Variants in MYO5B observed in about 807,000 individuals in gnomAD.
MYO5B encodes the protein unconventional myosin-Vb.
Under a neutral mutation model 229.3 loss-of-function variants are expected in MYO5B, and 143 were observed. That is an observed-to-expected ratio of 0.62 (90% CI 0.54 to 0.72). The LOEUF is 0.72. Ranked by LOEUF, MYO5B falls within the 30% of genes least tolerant of loss-of-function variation. MYO5B has a pLI of 0.00. For synonymous variants in MYO5B, 918 were observed against 885.2 expected (o/e 1.04, Z -0.66); for missense variants, 2,321 against 2,331.0 (o/e 1.00, Z 0.09).
At chr18:50,041,461 G>A (rs771672813) in intron 2 of MYO5B, among the ~76,000 whole-genome samples, 5 of 152,098 alleles carry the variant, frequency 3.3e-5, no homozygotes, top group Non-Finnish European at 7.4e-5. Flanking sequence ...AAGATAGGCA[G>A]ATAAATCAAG....
At chr18:50,078,480 T>C (rs994082385) in intron 1 of MYO5B, among the ~76,000 whole-genome samples, 2 of 152,172 alleles carry the variant, frequency 1.3e-5, no homozygotes, top group African/African-American at 4.8e-5. Context: ...ATAATGAACA[T>C]GAATTTGTAA....
rs199498650 is a variant in MYO5B at position 49,880,454 on chromosome 18, C to T, written c.3047G>A (p.Arg1016Gln). 50 of 1,613,632 alleles carry T rather than the reference C, an allele frequency of 3.1e-5. 1 individual carries two copies. In the African/African-American group the frequency reaches 4.9e-4, roughly 16 times the overall value. ...HSREKDELRK[R>Q]VADLEQENAL... ...ATTTTCTTGCTCCAGGTCTGCAACT[C>T]GCTGGAAGAGAGCAATAGGGGAAAA... The change falls in exon 23 of 40, where the codon CGA becomes CAA. Residue 1016 changes from arginine (R) to glutamine (Q), a missense_variant and splice_region_variant. By Grantham distance (43) the Arg-to-Gln change is conservative. Coordinates refer to ENST00000285039, the MANE Select transcript of MYO5B (RefSeq NM_001080467.3).
Position 49,904,876 on chromosome 18 carries a change from G to C in MYO5B, c.2415-48C>G, listed in dbSNP as rs747247021. The C allele has an allele frequency of 1.9e-6, 3 of 1,600,220 alleles. No individual in the cohort carries two copies. In the South Asian group the frequency reaches 3.3e-5, roughly 18 times the overall value. On this transcript the variant is annotated intron_variant, in intron 19 of 39. Transcript: ENST00000285039. ...CAGTGTCAGGGAGAGAGTATTGACC[G>C]CCCTGATGCAGAGAACCCTGAGACA...
chr18:50,158,926 G>A (rs954166446), intron 1 of MYO5B, among the ~76,000 whole-genome samples: 1 of 152,134 alleles, frequency 6.6e-6, no homozygotes, highest in Non-Finnish European at 1.5e-5. Context: ...ATCTACGCCT[G>A]TGCTACCCTA....
At position 50,178,446 on chromosome 18, in the gene MYO5B, G is replaced by A. The variant is rs530361333; in HGVS notation, c.27+16321C>T. On this transcript the variant is annotated intron_variant, in intron 1 of 39. Transcript: ENST00000285039. ...CATTTCTTAGTATCCACAGTACTCA[G>A]CAACAGAAAACACTTGAGATGCATA... 2.2e-4 allele frequency among the ~76,000 whole-genome samples: 34 copies of A among 152,322 alleles called. 1 individual carries two copies. The South Asian group carries it at 7.0e-3, about 32-fold the overall frequency.
In MYO5B at chr18:49,837,658, G is replaced by GT. The variant is rs1359345548; in HGVS notation, c.4996dup (p.Thr1666AsnfsTer5). On this transcript the variant is annotated frameshift_variant, in exon 37 of 40. Coordinates refer to ENST00000285039, the MANE Select transcript of MYO5B (RefSeq NM_001080467.3). LOFTEE classifies it high-confidence loss of function. Reference sequence around the variant, plus strand: ...GTCCAAGCCCTGGTCACACATGACTGTATGAAAGGCATTCATCTGGCGGAT... The same window carrying GT: ...GTCCAAGCCCTGGTCACACATGACTGTTATGAAAGGCATTCATCTGGCGGAT... 1 of 1,613,930 alleles carries GT rather than the reference G, an allele frequency of 6.2e-7. No homozygotes were observed. Among genetic ancestry groups the GT allele is most frequent in the Admixed American group, 1.7e-5 (1 of 59,996 alleles).
At chr18:49,999,710 G>A (rs1342044752) in intron 5 of MYO5B, among the ~76,000 whole-genome samples, 1 of 152,136 alleles carries the variant, frequency 6.6e-6, no homozygotes, top group African/African-American at 2.4e-5. Flanking sequence ...TAGGTCAGTG[G>A]TTCTCCAAGT....
intron 2 of MYO5B, 90 bp from the exon 3 acceptor site, chr18:50,040,404 T>A: frequency 8.3e-7 from 1 of 1,208,450 alleles, no homozygotes; most frequent in Non-Finnish European, 1.2e-6. Flanking sequence ...GGAATCACCA[T>A]CTTAACATGA....
At chr18:50,072,145 T>C (rs532003292) in intron 1 of MYO5B, among the ~76,000 whole-genome samples, 1 of 152,242 alleles carries the variant, frequency 6.6e-6, no homozygotes, top group Admixed American at 6.5e-5. Flanking sequence ...CTGTGGGAAC[T>C]GATGTTATGG....
intron 1 of MYO5B, among the ~76,000 whole-genome samples, chr18:50,094,294 T>A (rs1226896605): frequency 6.6e-6 from 1 of 152,204 alleles, no homozygotes; most frequent in Non-Finnish European, 1.5e-5. Context: ...ATACACTGTT[T>A]AAGTAAGCAA....
intron 1 of MYO5B, among the ~76,000 whole-genome samples, chr18:50,095,744 G>C (rs1333522063): frequency 6.6e-6 from 1 of 152,200 alleles, no homozygotes; most frequent in Non-Finnish European, 1.5e-5. Flanking sequence ...TGTGAGAAAT[G>C]ACTACAGTGC....
intron 15 of MYO5B, 45 bp downstream of exon 15, chr18:49,937,200 C>T: frequency 6.2e-7 from 1 of 1,610,924 alleles, no homozygotes; most frequent in African/African-American, 1.3e-5. Context: ...GAGAGGCCAG[C>T]CCTGCACATG....
At chr18:49,875,536 A>C in intron 26 of MYO5B, 151 bp downstream of exon 26, 1 of 1,058,624 alleles carries the variant, frequency 9.4e-7, no homozygotes, top group East Asian at 2.4e-5. Context: ...GAGAAGACTC[A>C]GCATGACTCC....
Position 50,035,937 on chromosome 18 carries a change from T to C in MYO5B, c.455+913A>G, listed in dbSNP as rs1484104738. On this transcript the variant is annotated intron_variant, in intron 4 of 39. Transcript: ENST00000285039. ...TGCAAGGATGCCCATAAAACAGTCT[T>C]CCCTCATGGAAATTTTCACTGGGAT... Among the ~76,000 whole-genome samples, 2 of 152,174 alleles carry C rather than the reference T, an allele frequency of 1.3e-5. 1 individual carries two copies. The highest frequency in any genetic ancestry group is 4.8e-5 in the African/African-American group (2 of 41,440).
intron 5 of MYO5B, among the ~76,000 whole-genome samples, chr18:49,994,293 G>A (rs1018174765): frequency 1.3e-5 from 2 of 152,166 alleles, no homozygotes; most frequent in African/African-American, 4.8e-5. Flanking sequence ...CCCAGTACAT[G>A]GTAAGCACTC....
At chr18:49,874,889 T>C (rs565886389) in intron 26 of MYO5B, among the ~76,000 whole-genome samples, 1 of 152,348 alleles carries the variant, frequency 6.6e-6, no homozygotes. Flanking sequence ...TCTACTCCTA[T>C]GGCACCAACC....
chr18:50,194,686 G>C lies in MYO5B; in HGVS notation c.27+81C>G, dbSNP rs550617018. ...GTCACCTCCCGCCTCCAGTAGCCGA[G>C]GGAGAAGGCGACCCTGAGTACTAGG... On this transcript the variant is annotated intron_variant, in intron 1 of 39. Transcript: ENST00000285039. 548 of 1,033,702 alleles carry C rather than the reference G, an allele frequency of 5.3e-4. 10 individuals are homozygous for C. In the South Asian group the frequency reaches 7.7e-3, roughly 14 times the overall value. 64.0% of individuals were successfully genotyped at this position (1,033,702 alleles called of 1,614,324 possible).
At chr18:49,827,676 C>G (rs2023863528) in intron 39 of MYO5B, among the ~76,000 whole-genome samples, 1 of 151,762 alleles carries the variant, frequency 6.6e-6, no homozygotes, top group South Asian at 2.1e-4. Context: ...CCTAACAGAC[C>G]TATTGGACAC....
chr18:50,114,046 T>G (rs1421707119), intron 1 of MYO5B, among the ~76,000 whole-genome samples: 1 of 152,220 alleles, frequency 6.6e-6, no homozygotes, highest in East Asian at 1.9e-4. Flanking sequence ...GAGCTTGGCT[T>G]TGTGGTTCTT....
Sources: allele counts gnomAD v4.1 joint callset (sites outside exome capture counted in the v4.1 genomes callset), GRCh38; gene constraint gnomAD v4.1.1; transcripts MANE v1.5; gene names NCBI Gene and HGNC (gene_info 2026-07-23, HGNC 2026-07-21).